Variants in LOXL2 observed in about 807,000 individuals in gnomAD.
LOXL2 encodes the protein lysyl oxidase homolog 2.
A neutral mutation model predicts 93.0 loss-of-function variants in LOXL2; 70 were observed. The ratio of observed to expected loss-of-function variants is 0.75; its 90% confidence interval spans 0.62 to 0.92. The LOEUF (loss-of-function observed/expected upper bound fraction) is 0.92. Ranked by LOEUF, LOXL2 falls within the 40% of genes least tolerant of loss-of-function variation. The pLI, the probability that LOXL2 is intolerant of heterozygous loss-of-function variation, is 0.00. For synonymous variants in LOXL2, 438 were observed against 413.2 expected (o/e 1.06, Z -0.73); for missense variants, 973 against 1,054.9 (o/e 0.92, Z 1.08).
At position 23,323,041 on chromosome 8, in the gene LOXL2, G is replaced by A. The variant is rs189071797; in HGVS notation, c.1151-760C>T. On this transcript the variant is annotated intron_variant, in intron 6 of 13. Coordinates refer to ENST00000389131, the MANE Select transcript of LOXL2 (RefSeq NM_002318.3). ...GAGTTCTGGAGACAGCTGGTATCCA[G>A]GCTTACTGAGGCCAAAAACCAACTT... Among the ~76,000 whole-genome samples the A allele has an allele frequency of 1.2e-4, 18 of 152,354 alleles. No homozygotes were observed. In the East Asian group the frequency reaches 3.5e-3, roughly 29 times the overall value.
intron 10 of LOXL2, among the ~76,000 whole-genome samples, chr8:23,304,368 C>G (rs1051204482): frequency 6.6e-6 from 1 of 152,180 alleles, no homozygotes; most frequent in African/African-American, 2.4e-5. Context: ...AGGGCCTTCC[C>G]GAAGCCTGCA....
intron 1 of LOXL2, among the ~76,000 whole-genome samples, chr8:23,393,797 G>A (rs1800051718): frequency 6.6e-6 from 1 of 152,192 alleles, no homozygotes; most frequent in South Asian, 2.1e-4. Context: ...AAAGGGTGAT[G>A]ACCAAATATT....
At chr8:23,352,707 C>A (rs969215718) in intron 3 of LOXL2, among the ~76,000 whole-genome samples, 1 of 152,026 alleles carries the variant, frequency 6.6e-6, no homozygotes, top group African/African-American at 2.4e-5. Flanking sequence ...AGGGCTTTTT[C>A]AGGTCTCAGC....
At chr8:23,376,400 C>CT (rs992160501) in intron 1 of LOXL2, among the ~76,000 whole-genome samples, 5 of 152,056 alleles carry the variant, frequency 3.3e-5, no homozygotes, top group Admixed American at 2.6e-4. Flanking sequence ...CTAAAATTCT[C>CT]TTTTTTTGTT....
chr8:23,322,196 C>G lies in LOXL2; in HGVS notation c.1236G>C (p.Gln412His). The G allele has an allele frequency of 1.2e-6, 2 of 1,614,214 alleles. No individual in the cohort carries two copies. The highest frequency in any genetic ancestry group is 1.7e-6 in the Non-Finnish European group (2 of 1,180,020). Reference sequence around the variant, plus strand: ...CAGCATCCTCCTCGTGGTTGCAGCCCTGAGACTCGGCATTGAACTTGCAGT... The same window carrying G: ...CAGCATCCTCCTCGTGGTTGCAGCCGTGAGACTCGGCATTGAACTTGCAGT... ...IIDCKFNAES[Q>H]GCNHEEDAGV... Residue 412 changes from glutamine to histidine, a missense_variant, in exon 7 of 14, where the codon CAG becomes CAC. Coordinates refer to ENST00000389131, the MANE Select transcript of LOXL2 (RefSeq NM_002318.3).
intron 2 of LOXL2, among the ~76,000 whole-genome samples, chr8:23,361,597 C>T (rs924364694): frequency 1.2e-4 from 19 of 152,150 alleles, no homozygotes; most frequent in Non-Finnish European, 2.6e-4. Flanking sequence ...AATCCCAGCA[C>T]TTTTGGAGGC....
chr8:23,301,956 G>T, intron 12 of LOXL2, 71 bp downstream of exon 12: 1 of 1,583,508 alleles, frequency 6.3e-7, no homozygotes, highest in Non-Finnish European at 8.6e-7. Flanking sequence ...GGACACCAAT[G>T]GGAAGGAGCC....
intron 4 of LOXL2, 55 bp downstream of exon 4, chr8:23,340,937 T>C (rs1020642608): frequency 7.4e-6 from 11 of 1,494,342 alleles, no homozygotes; most frequent in Non-Finnish European, 9.3e-6. Context: ...CACTTTTAAC[T>C]CTTTTAGGCA....
Position 23,322,232 on chromosome 8 carries a change from C to T in LOXL2, c.1200G>A (p.Lys400=). ...LNEIQCTGNE[K]SIIDCKFNAE... ...CATTGAACTTGCAGTCTATAATGGA[C>T]TTCTCATTGCCTGTGCACTGGATCT... The change falls in exon 7 of 14, where the codon AAG becomes AAA. Residue 400 remains lysine (K), a synonymous_variant. Transcript: ENST00000389131. 6.2e-7 allele frequency: 1 copy of T among 1,614,212 alleles called. No individual in the cohort carries two copies.
intron 1 of LOXL2, among the ~76,000 whole-genome samples, chr8:23,394,385 T>A (rs1800061071): frequency 7.5e-6 from 1 of 133,188 alleles, no homozygotes; most frequent in African/African-American, 2.9e-5. Context: ...AGAGTGAGAC[T>A]CTGTCTCAGA....
At chr8:23,331,815 C>T (rs909761289) in intron 5 of LOXL2, 1 of 151,986 alleles carries the variant, frequency 6.6e-6, no homozygotes, top group Admixed American at 6.6e-5. Context: ...GCGGGTGGGC[C>T]ATCTGAGGTC....
At chr8:23,371,735 G>A (rs1369622408) in intron 1 of LOXL2, among the ~76,000 whole-genome samples, 1 of 113,382 alleles carries the variant, frequency 8.8e-6, no homozygotes, top group Non-Finnish European at 1.7e-5. Context: ...CTGGGCGAAA[G>A]AGTGAGAGTC....
intron 1 of LOXL2, among the ~76,000 whole-genome samples, chr8:23,397,977 A>G (rs13261683): frequency 0.53 from 75,477 of 142,826 alleles, 20,793 homozygotes; most frequent in East Asian, 0.63. Flanking sequence ...AAAAAAAAAA[A>G]AAAAAAAAGA....
chr8:23,324,589 T>G (rs1254422589), intron 6 of LOXL2, among the ~76,000 whole-genome samples: 3 of 152,210 alleles, frequency 2.0e-5, no homozygotes, highest in Non-Finnish European at 4.4e-5. Context: ...CACCTACTCC[T>G]GTGTTCTGGA....
chr8:23,346,362 C>T (rs990719899), intron 3 of LOXL2, among the ~76,000 whole-genome samples: 1 of 152,200 alleles, frequency 6.6e-6, no homozygotes, highest in Non-Finnish European at 1.5e-5. Context: ...AAGAAAGACA[C>T]AGAAACTCCA....
At chr8:23,368,571 AT>A (rs1477601600) in intron 1 of LOXL2, 137 bp from the exon 2 acceptor site, 3 of 586,620 alleles carry the variant, frequency 5.1e-6, no homozygotes, top group African/African-American at 1.9e-5. Context: ...CCACTCCTAC[AT>A]TTCCACCATG....
chr8:23,370,378 T>C (rs4872117), intron 1 of LOXL2, among the ~76,000 whole-genome samples: 94,263 of 151,922 alleles, frequency 0.62, 30,628 homozygotes, highest in African/African-American at 0.81. Flanking sequence ...GTGCTTTACA[T>C]TGTTGTCATG....
chr8:23,322,184 G>C lies in LOXL2; in HGVS notation c.1248C>G (p.His416Gln), dbSNP rs144194678. The C allele has an allele frequency of 9.3e-6, 15 of 1,614,072 alleles. No homozygotes were observed. The highest frequency in any genetic ancestry group is 1.3e-5 in the Non-Finnish European group (15 of 1,180,028). The change falls in exon 7 of 14, where the codon CAC (histidine) becomes CAG (glutamine). Residue 416 changes from histidine (H) to glutamine (Q), a missense_variant. His to Gln is a conservative substitution (Grantham distance 24). Transcript: ENST00000389131. ...TGCATCTCACACCAGCATCCTCCTC[G>C]TGGTTGCAGCCCTGAGACTCGGCAT... ...KFNAESQGCN[H>Q]EEDAGVRCNT... is the part of the protein sequence containing the mutation.
At position 23,333,547 on chromosome 8, in the gene LOXL2, T is replaced by A. The variant is rs376096328; in HGVS notation, c.820A>T (p.Ser274Cys). The A allele has an allele frequency of 6.2e-7, 1 of 1,613,830 alleles. No homozygotes were observed. Among genetic ancestry groups the A allele is most frequent in the African/African-American group, 1.3e-5 (1 of 74,952 alleles). ...DCTGTEAHIS[S>C]CKLGPQVSLD... The stretch of plus-strand genomic sequence containing the variant: ...GACACCTGGGGGCCCAGCTTGCAGC[T>A]GGAGATGTGGGCCTCTGTGCCGGTG... Residue 274 changes from serine (S) to cysteine (C), a missense_variant, in exon 5 of 14, where the codon AGC (serine) becomes TGC (cysteine). Transcript: ENST00000389131.
Sources: gnomAD v4.1 joint callset for allele counts (sites outside exome capture counted in the v4.1 genomes callset) on GRCh38, gnomAD v4.1.1 for gene constraint, MANE v1.5 for transcripts, NCBI Gene and HGNC (gene_info 2026-07-23, HGNC 2026-07-21) for gene names.